Variants in STXBP5L observed in about 807,000 individuals in gnomAD.
The protein encoded by STXBP5L is syntaxin-binding protein 5-like.
In STXBP5L, 65 loss-of-function variants were observed where a neutral mutation model predicts 144.5. The ratio of observed to expected loss-of-function variants is 0.45; its 90% CI spans 0.37 to 0.55. The LOEUF is 0.55. Ranked by LOEUF, STXBP5L falls within the 20% of genes least tolerant of loss-of-function variation. The pLI is 0.00. For synonymous variants in STXBP5L, 505 were observed against 469.6 expected (o/e 1.08, Z -0.97); for missense variants, 1,298 against 1,405.5 (o/e 0.92, Z 1.22).
intron 5 of STXBP5L, among the ~76,000 whole-genome samples, chr3:121,068,270 T>C (rs1560085974): frequency 6.6e-6 from 1 of 152,252 alleles, no homozygotes; most frequent in Non-Finnish European, 1.5e-5. Context: ...GGCCTCCCAG[T>C]GCTGGGATTA....
chr3:121,002,706 GC>G (rs1484873214), intron 3 of STXBP5L, among the ~76,000 whole-genome samples: 1 of 90,600 alleles, frequency 1.1e-5, no homozygotes, highest in African/African-American at 4.2e-5. Flanking sequence ...CCCTCCCCCA[GC>G]CCCCCACCCC....
At chr3:120,925,294 T>A (rs1383657892) in intron 2 of STXBP5L, 3 of 152,170 alleles carry the variant, frequency 2.0e-5, no homozygotes, top group Non-Finnish European at 2.9e-5. Context: ...GCAGTATACC[T>A]CTCTTTCTAG....
At chr3:121,072,275 C>T (rs1217082156) in intron 5 of STXBP5L, among the ~76,000 whole-genome samples, 1 of 152,178 alleles carries the variant, frequency 6.6e-6, no homozygotes, top group African/African-American at 2.4e-5. Flanking sequence ...TGAGGCAGCT[C>T]CATAAAGTCC....
chr3:121,003,817 C>T (rs1238309931), intron 3 of STXBP5L, among the ~76,000 whole-genome samples: 1 of 152,150 alleles, frequency 6.6e-6, no homozygotes. Flanking sequence ...GGAATCCTTT[C>T]CCCATTTCTT....
chr3:121,038,198 CTCT>C (rs1239158992), intron 3 of STXBP5L, among the ~76,000 whole-genome samples: 5 of 151,654 alleles, frequency 3.3e-5, no homozygotes, highest in African/African-American at 1.2e-4. Flanking sequence ...AATTAATTTG[CTCT>C]TCTTTTTCTA....
At position 121,115,063 on chromosome 3, in the gene STXBP5L, A is replaced by C; in HGVS notation, c.605+4A>C. 2 of 1,599,940 alleles carry C rather than the reference A, an allele frequency of 1.3e-6. No homozygotes were observed. The highest frequency in any genetic ancestry group is 1.7e-6 in the Non-Finnish European group (2 of 1,175,412). The stretch of plus-strand genomic sequence containing the variant: ...TGTGGAACAAGGCAATTGAACTGTA[A>C]GTTTGAACTTGGATATCACTTTATT... On this transcript the variant is annotated splice_donor_region_variant and intron_variant, in intron 6 of 26. Coordinates refer to ENST00000471454, the MANE Select transcript of STXBP5L (RefSeq NM_001308330.2).
intron 5 of STXBP5L, among the ~76,000 whole-genome samples, chr3:121,057,248 G>A (rs890930680): frequency 1.3e-5 from 2 of 151,828 alleles, no homozygotes; most frequent in African/African-American, 2.4e-5. Context: ...AATGCTACAT[G>A]TTAATGTAGC....
At chr3:120,991,619 G>T (rs554198792) in intron 3 of STXBP5L, among the ~76,000 whole-genome samples, 32 of 152,248 alleles carry the variant, frequency 2.1e-4, no homozygotes, top group Middle Eastern at 3.4e-3. Context: ...AAGAAAATGT[G>T]GCACATATAC....
At chr3:121,307,578 A>G (rs955831424) in intron 19 of STXBP5L, among the ~76,000 whole-genome samples, 9 of 152,280 alleles carry the variant, frequency 5.9e-5, no homozygotes, top group South Asian at 2.1e-4. Flanking sequence ...ACTAGCAAAA[A>G]TAACAACCAG....
rs2108678924 is a variant in STXBP5L at position 121,378,898 on chromosome 3, A to G, written c.2347+12A>G. ...AGTTACAACAGAAGGTATGTTAAAC[A>G]TATTAAATTTTTTTGTTACAGTTAA... On this transcript the variant is annotated intron_variant, in intron 21 of 26. Transcript: ENST00000471454. The G allele has an allele frequency of 1.2e-6, 2 of 1,600,262 alleles. No homozygotes were observed. Among genetic ancestry groups the G allele is most frequent in the Non-Finnish European group, 1.7e-6 (2 of 1,172,622 alleles).
Position 121,418,475 on chromosome 3 carries a change from G to A in STXBP5L, c.3365G>A (p.Arg1122Lys). 1.2e-6 allele frequency: 2 copies of A among 1,614,138 alleles called. No individual in the cohort carries two copies. Among genetic ancestry groups the A allele is most frequent in the Non-Finnish European group, 1.7e-6 (2 of 1,179,994 alleles). ...CGTGCACGGATTGCACTTGATGAAA[G>A]AGGACAGAGGCTAGGAGAGCTGGAA... is the stretch of plus-strand genomic sequence containing the variant. ...LTRARIALDE[R>K]GQRLGELEEK... The change falls in exon 26 of 27, where the codon AGA becomes AAA. Residue 1122 changes from arginine to lysine, a missense_variant. Arg to Lys is a conservative substitution (Grantham distance 26). Transcript: ENST00000471454.
At chr3:120,973,693 A>AT (rs1940558486) in intron 3 of STXBP5L, among the ~76,000 whole-genome samples, 1 of 93,612 alleles carries the variant, frequency 1.1e-5, no homozygotes, top group South Asian at 3.6e-4. Context: ...TCCCTCCCCC[A>AT]TCCCCCCACC....
At chr3:120,953,878 T>A (rs1937725475) in intron 2 of STXBP5L, among the ~76,000 whole-genome samples, 1 of 152,168 alleles carries the variant, frequency 6.6e-6, no homozygotes, top group African/African-American at 2.4e-5. Context: ...TGGAAATACT[T>A]GTTTGATTCC....
At chr3:120,973,771 C>G (rs1940574839) in intron 3 of STXBP5L, among the ~76,000 whole-genome samples, 2 of 151,580 alleles carry the variant, frequency 1.3e-5, no homozygotes, top group South Asian at 4.2e-4. Flanking sequence ...TCAATTCCCA[C>G]CTATGAGTGA....
intron 20 of STXBP5L, among the ~76,000 whole-genome samples, chr3:121,368,615 C>T (rs2045935455): frequency 6.6e-6 from 1 of 151,696 alleles, no homozygotes; most frequent in Non-Finnish European, 1.5e-5. Context: ...ATATTTGCTC[C>T]ATTTTCTAGG....
intron 16 of STXBP5L, among the ~76,000 whole-genome samples, chr3:121,255,578 A>G (rs1386361135): frequency 1.3e-5 from 2 of 152,038 alleles, no homozygotes; most frequent in Non-Finnish European, 2.9e-5. Flanking sequence ...TTTGTATAAA[A>G]ATCAAATTAA....
rs776321253 is a variant in STXBP5L, at chr3:121,011,197, C to T, written c.288-30503C>T. Among the ~76,000 whole-genome samples the T allele has an allele frequency of 3.3e-5, 5 of 151,042 alleles. No homozygotes were observed. In the East Asian group the frequency reaches 7.8e-4, roughly 23 times the overall value. Reference sequence around the variant, plus strand: ...CTATCCCGGTAACATTTAGGCTTGGCTGCAGGTGTACTTCCTACCATGTTA... The same window carrying T: ...CTATCCCGGTAACATTTAGGCTTGGTTGCAGGTGTACTTCCTACCATGTTA... On this transcript the variant is annotated intron_variant, in intron 3 of 26. Transcript: ENST00000471454.
In STXBP5L at chr3:121,011,924, T is replaced by C. The variant is rs370901776; in HGVS notation, c.288-29776T>C. Among the ~76,000 whole-genome samples the C allele has an allele frequency of 1.5e-4, 23 of 151,902 alleles. No homozygotes were observed. The East Asian group carries it at 2.5e-3, about 17-fold the overall frequency. ...GTGAATTTTAGAACATTTCCATCAC[T>C]CCAGAAAGAAACTCTGTACCTATTA... On this transcript the variant is annotated intron_variant, in intron 3 of 26. Coordinates refer to ENST00000471454, the MANE Select transcript of STXBP5L (RefSeq NM_001308330.2).
chr3:121,039,307 C>T (rs1308631542), intron 3 of STXBP5L, among the ~76,000 whole-genome samples: 1 of 151,668 alleles, frequency 6.6e-6, no homozygotes, highest in Non-Finnish European at 1.5e-5. Flanking sequence ...GCAGCTGTAC[C>T]TTATATAAAT....
Sources: allele counts gnomAD v4.1 joint callset (sites outside exome capture counted in the v4.1 genomes callset), GRCh38; gene constraint gnomAD v4.1.1; transcripts MANE v1.5; gene names NCBI Gene and HGNC (gene_info 2026-07-23, HGNC 2026-07-21).